The following MTUS1 variants were observed in gnomAD, a reference collection of about 807,000 sequenced individuals.
MTUS1 encodes the protein microtubule associated scaffold protein 1.
In MTUS1, 109 loss-of-function variants were observed where a neutral mutation model predicts 120.8. The ratio of observed to expected loss-of-function variants is 0.90; its 90% CI spans 0.77 to 1.06. MTUS1 has a LOEUF of 1.06. Ranked by LOEUF, MTUS1 falls within the 50% of genes least tolerant of loss-of-function variation. The probability of loss-of-function intolerance (pLI) is 0.00; values close to 1 mark genes in which losing one functional copy is unlikely to be tolerated. For synonymous variants in MTUS1, 737 were observed against 550.5 expected (o/e 1.34, Z -4.74); for missense variants, 2,210 against 1,486.3 (o/e 1.49, Z -8.01).
At chr8:17,688,149 T>C (rs1284852163) in intron 6 of MTUS1, among the ~76,000 whole-genome samples, 1 of 152,210 alleles carries the variant, frequency 6.6e-6, no homozygotes, top group Non-Finnish European at 1.5e-5. Flanking sequence ...AAACACAAAC[T>C]AAACACAGAA....
At chr8:17,795,331 T>C (rs2052137384) in intron 1 of MTUS1, among the ~76,000 whole-genome samples, 1 of 152,214 alleles carries the variant, frequency 6.6e-6, no homozygotes, top group African/African-American at 2.4e-5. Context: ...TAGTTAACAG[T>C]AGAAGATCAG....
chr8:17,771,815 G>A (rs17466685), intron 1 of MTUS1, among the ~76,000 whole-genome samples: 67,202 of 152,114 alleles, frequency 0.44, 15,616 homozygotes, highest in Middle Eastern at 0.55. Context: ...TGTTTACAGT[G>A]GCTGAGTTCA....
chr8:17,721,798 T>C (rs375537091), intron 4 of MTUS1: 19 of 1,614,064 alleles, frequency 1.2e-5, no homozygotes, highest in Non-Finnish European at 1.6e-5. Flanking sequence ...GGTAGCATCA[T>C]AGTGCCTCTC....
chr8:17,792,840 T>C (rs2131590558), intron 1 of MTUS1, among the ~76,000 whole-genome samples: 1 of 152,332 alleles, frequency 6.6e-6, no homozygotes, highest in Admixed American at 6.5e-5. Context: ...CTCCAGCCTG[T>C]GACACAGCAA....
intron 8 of MTUS1, among the ~76,000 whole-genome samples, chr8:17,663,377 A>C (rs1005450115): frequency 6.6e-6 from 1 of 152,200 alleles, no homozygotes; most frequent in Non-Finnish European, 1.5e-5. Flanking sequence ...CGACATTGTT[A>C]ATATTCTTTT....
At chr8:17,784,439 G>A (rs147142950) in intron 1 of MTUS1, among the ~76,000 whole-genome samples, 1 of 152,062 alleles carries the variant, frequency 6.6e-6, no homozygotes, top group African/African-American at 2.4e-5. Context: ...GGGATTACAG[G>A]TGCGCACCAC....
At chr8:17,791,517 G>C (rs761841654) in intron 1 of MTUS1, among the ~76,000 whole-genome samples, 7 of 152,176 alleles carry the variant, frequency 4.6e-5, no homozygotes, top group Non-Finnish European at 1.0e-4. Flanking sequence ...CGAATGTGCT[G>C]ACTGATAGCA....
At chr8:17,701,125 A>T (rs1416136566) in intron 6 of MTUS1, among the ~76,000 whole-genome samples, 3 of 152,198 alleles carry the variant, frequency 2.0e-5, no homozygotes, top group African/African-American at 7.2e-5. Flanking sequence ...TTGTGTGGAG[A>T]TTCAAGCATC....
At chr8:17,646,810 G>A (rs576409548) in intron 14 of MTUS1, among the ~76,000 whole-genome samples, 172 bp downstream of exon 14, 65 of 152,222 alleles carry the variant, frequency 4.3e-4, no homozygotes, top group African/African-American at 1.5e-3. Flanking sequence ...AGGCCGCTTT[G>A]GTAAAAGCAT....
At chr8:17,690,087 AC>A (rs1308411354) in intron 6 of MTUS1, among the ~76,000 whole-genome samples, 1 of 152,216 alleles carries the variant, frequency 6.6e-6, no homozygotes, top group Non-Finnish European at 1.5e-5. Context: ...GAAACAGACA[AC>A]CTATAGAATG....
At chr8:17,711,841 A>G (rs561753521) in intron 6 of MTUS1, among the ~76,000 whole-genome samples, 38 of 152,318 alleles carry the variant, frequency 2.5e-4, no homozygotes, top group African/African-American at 9.1e-4. Flanking sequence ...TTATAGGGCT[A>G]TTAATTGGTT....
chr8:17,646,761 G>A (rs1434710554), intron 14 of MTUS1, among the ~76,000 whole-genome samples: 3 of 152,172 alleles, frequency 2.0e-5, no homozygotes, highest in African/African-American at 7.2e-5. Context: ...GAGGCCGTGG[G>A]AGCAGGCTTG....
chr8:17,707,017 C>G (rs772860096), intron 6 of MTUS1, among the ~76,000 whole-genome samples: 1 of 152,172 alleles, frequency 6.6e-6, no homozygotes, highest in Non-Finnish European at 1.5e-5. Flanking sequence ...CAACTGTAAT[C>G]TCCACCACTA....
At chr8:17,653,620 T>C (rs1807540759) in intron 10 of MTUS1, 122 bp from the exon 11 acceptor site, 6 of 688,196 alleles carry the variant, frequency 8.7e-6, no homozygotes, top group Non-Finnish European at 1.4e-5. Context: ...ACTTTACATC[T>C]ATAGTATGCT....
chr8:17,702,146 G>A (rs1035975651), intron 6 of MTUS1, among the ~76,000 whole-genome samples: 5 of 152,244 alleles, frequency 3.3e-5, no homozygotes, highest in Non-Finnish European at 7.4e-5. Flanking sequence ...CTGAAAAACA[G>A]AATTCCCGGG....
rs750111260 is a variant in MTUS1, at chr8:17,754,946, C to T, written c.862G>A (p.Glu288Lys). ...GAAACTGGTGTTAGTGCTTGTGTCTCCTTTTCTCCAACTAGTCTTTGTTGT... is the reference window on the plus strand; with the variant it reads ...GAAACTGGTGTTAGTGCTTGTGTCTTCTTTTCTCCAACTAGTCTTTGTTGT... ...GSQQRLVGEK[E>K]TQALTPVSDG... The change falls in exon 2 of 15, where the codon GAG becomes AAG. Residue 288 changes from glutamate to lysine, a missense_variant. Glu to Lys is a moderately conservative substitution (Grantham distance 56). Transcript: ENST00000693296. 1.9e-6 allele frequency: 3 copies of T among 1,612,746 alleles called. No individual in the cohort carries two copies. The highest frequency in any genetic ancestry group is 2.5e-6 in the Non-Finnish European group (3 of 1,179,000).
chr8:17,681,377 G>A (rs1217001494), intron 7 of MTUS1, among the ~76,000 whole-genome samples: 1 of 152,198 alleles, frequency 6.6e-6, no homozygotes, highest in Non-Finnish European at 1.5e-5. Flanking sequence ...GTGAACAATG[G>A]ATGACGTACA....
chr8:17,721,357 T>C (rs1659279955), intron 4 of MTUS1, among the ~76,000 whole-genome samples: 1 of 152,238 alleles, frequency 6.6e-6, no homozygotes, highest in Non-Finnish European at 1.5e-5. Flanking sequence ...ATTTTAATTT[T>C]AGAAAAGTAT....
At chr8:17,778,340 T>A (rs1316981879) in intron 1 of MTUS1, among the ~76,000 whole-genome samples, 2 of 152,148 alleles carry the variant, frequency 1.3e-5, no homozygotes, top group Admixed American at 1.3e-4. Context: ...GGAACAGGAT[T>A]GGTGTTTGTC....
Sources: gnomAD v4.1 joint callset for allele counts (sites outside exome capture counted in the v4.1 genomes callset) on GRCh38, gnomAD v4.1.1 for gene constraint, MANE v1.5 for transcripts, NCBI Gene and HGNC (gene_info 2026-07-23, HGNC 2026-07-21) for gene names.